Variants in SPTB observed in about 807,000 individuals in gnomAD.
SPTB encodes the protein spectrin beta chain, erythrocytic.
A neutral mutation model predicts 256.2 loss-of-function variants in SPTB; 45 were observed. The observed-to-expected ratio is 0.18, with a 90% CI of 0.14 to 0.23. The LOEUF is 0.23. Among genes scored for constraint, SPTB ranks in the 10% least tolerant of loss-of-function variants. The pLI is 1.00. For missense variants in SPTB, 2,715 were observed against 3,040.4 expected, an observed-to-expected ratio of 0.89 and a Z score of 2.52; for synonymous variants, 1,231 against 1,243.1, an observed-to-expected ratio of 0.99 and a Z score of 0.21.
At chr14:64,858,875 C>T (rs2083914867) in intron 1 of SPTB, among the ~76,000 whole-genome samples, 1 of 152,120 alleles carries the variant, frequency 6.6e-6, no homozygotes. Context: ...GACTATGCAC[C>T]TCTAGCAGTT....
At chr14:64,765,484 G>A (rs1300223520) in intron 32 of SPTB, among the ~76,000 whole-genome samples, 1 of 152,176 alleles carries the variant, frequency 6.6e-6, no homozygotes, top group Non-Finnish European at 1.5e-5. Context: ...CTAGGCCTCT[G>A]GCAGCTGCTG....
chr14:64,749,220 C>A lies in SPTB; in HGVS notation c.*86G>T. ...GCGACTCGACTCATCTCGATTCGAC[C>A]GGCGGGCGGCGGCGAGAGGAGGCCA... On this transcript the variant is annotated 3_prime_UTR_variant, in exon 36 of 36. Coordinates refer to ENST00000644917, the MANE Select transcript of SPTB (RefSeq NM_001355436.2). This position sits in a 1 kb window ranked among gnomAD's most constrained non-coding sequence, Gnocchi z 4.7. 8 of 1,477,218 alleles carry A rather than the reference C, an allele frequency of 5.4e-6. No individual in the cohort carries two copies. The highest frequency in any genetic ancestry group is 7.3e-6 in the Non-Finnish European group (8 of 1,099,722). The allele number at this position is 1,477,218 out of a possible 1,614,324, so 91.5% of individuals were successfully genotyped here.
At position 64,802,971 on chromosome 14, in the gene SPTB, A is replaced by G. The variant is rs994465103; in HGVS notation, c.474+636T>C. Among the ~76,000 whole-genome samples, 1 of 152,116 alleles carries G rather than the reference A, an allele frequency of 6.6e-6. No individual in the cohort carries two copies. The highest frequency in any genetic ancestry group is 6.5e-5 in the Admixed American group (1 of 15,282). ...CTCCTCTTGCCTTTCCATTCTCCCC[A>G]ACTCTGCTGCTATTGTTGTTCAATG... On this transcript the variant is annotated intron_variant, in intron 4 of 35. Coordinates refer to ENST00000644917, the MANE Select transcript of SPTB (RefSeq NM_001355436.2). The surrounding 1 kb of genome is among the most constrained non-coding windows in gnomAD (Gnocchi z 5.1).
chr14:64,758,329 G>A lies in SPTB; in HGVS notation c.6346-4536C>T, dbSNP rs1163183005. 6.6e-6 allele frequency among the ~76,000 whole-genome samples: 1 copy of A among 152,260 alleles called. No individual in the cohort carries two copies. Among genetic ancestry groups the A allele is most frequent in the Admixed American group, 6.5e-5 (1 of 15,290 alleles). On this transcript the variant is annotated intron_variant, in intron 32 of 35. Coordinates refer to ENST00000644917, the MANE Select transcript of SPTB (RefSeq NM_001355436.2). The surrounding 1 kb of genome is among the most constrained non-coding windows in gnomAD (Gnocchi z 4.6). ...GCCTCAGCCCCTCCTTTCTCGGCCA[G>A]TTTCAGTTGGAACATTCTGAGGCTT... is the stretch of plus-strand genomic sequence containing the variant.
chr14:64,848,657 C>CACTA (rs951639139), intron 1 of SPTB, among the ~76,000 whole-genome samples: 3 of 152,190 alleles, frequency 2.0e-5, no homozygotes, highest in Non-Finnish European at 4.4e-5. Context: ...CTCATTCACC[C>CACTA]ACTAACACAC....
At chr14:64,879,130 A>G (rs183454727) in intron 1 of SPTB, among the ~76,000 whole-genome samples, 31 of 152,310 alleles carry the variant, frequency 2.0e-4, no homozygotes, top group African/African-American at 7.2e-4. Flanking sequence ...AGAAGCTTAG[A>G]GGAAGAGAGG....
intron 19 of SPTB, among the ~76,000 whole-genome samples, chr14:64,783,126 C>T (rs1235311026): frequency 6.6e-6 from 1 of 152,154 alleles, no homozygotes; most frequent in Non-Finnish European, 1.5e-5. Context: ...ACCTGGTTTT[C>T]ATCTGCATAG....
At position 64,795,740 on chromosome 14, in the gene SPTB, G is replaced by A; in HGVS notation, c.1342-101C>T. The A allele has an allele frequency of 4.9e-6, 6 of 1,230,892 alleles. 1 individual carries two copies. 76.2% of individuals were successfully genotyped at this position (1,230,892 alleles called of 1,614,324 possible). On this transcript the variant is annotated intron_variant, in intron 11 of 35. Transcript: ENST00000644917. This position sits in a 1 kb window ranked among gnomAD's most constrained non-coding sequence, Gnocchi z 6.5. ...CTCCCTTCAGAACCAGTGCTAGATG[G>A]GAAAGCACATTCCCAAGAAGCAGCT...
In SPTB at chr14:64,796,899, A is replaced by G. The variant is rs562555269; in HGVS notation, c.1183-184T>C. On this transcript the variant is annotated intron_variant, in intron 10 of 35. Transcript: ENST00000644917. The surrounding 1 kb of genome is among the most constrained non-coding windows in gnomAD (Gnocchi z 4.1). ...TTGGCTTTCATGTCTGGGCCCATCA[A>G]AGATTCAGAGGGCACTGCTCATGAG... Among the ~76,000 whole-genome samples the G allele has an allele frequency of 1.3e-5, 2 of 152,300 alleles. No homozygotes were observed. Among genetic ancestry groups the G allele is most frequent in the Admixed American group, 1.3e-4 (2 of 15,300 alleles).
chr14:64,791,563 G>C, intron 15 of SPTB, among the ~76,000 whole-genome samples, 156 bp downstream of exon 15: 1 of 80,996 alleles, frequency 1.2e-5, no homozygotes, highest in Non-Finnish European at 2.1e-5. Flanking sequence ...GAGGTTCTGT[G>C]TCAAAAAAAA....
rs2083820125 is a variant in SPTB, at chr14:64,853,567, T to A, written c.-52+26225A>T. ...GACAAGAACCCATGGCAGCAGGGAG[T>A]GGAATAAATCAGAGTACAACGAAGA... On this transcript the variant is annotated intron_variant, in intron 1 of 35. Transcript: ENST00000644917. The surrounding 1 kb of genome is among the most constrained non-coding windows in gnomAD (Gnocchi z 4.3). Among the ~76,000 whole-genome samples, 1 of 151,704 alleles carries A rather than the reference T, an allele frequency of 6.6e-6. No individual in the cohort carries two copies.
intron 2 of SPTB, among the ~76,000 whole-genome samples, chr14:64,817,622 T>G (rs1405941994): frequency 6.6e-6 from 1 of 152,236 alleles, no homozygotes; most frequent in Non-Finnish European, 1.5e-5. Flanking sequence ...GGTGAGGCCC[T>G]GCTCCCTGAG....
At chr14:64,840,203 C>T (rs2083585737) in intron 1 of SPTB, among the ~76,000 whole-genome samples, 1 of 152,238 alleles carries the variant, frequency 6.6e-6, no homozygotes, top group Admixed American at 6.5e-5. Context: ...AGAGGAAAAG[C>T]TGTGCCTTTT....
Position 64,786,267 on chromosome 14 carries a change from A to G in SPTB, c.3561+137T>C. ...GGAAAAGGCCCCTAATGAGAAACAAAGATTTCCCCCATGAGTGAATACAGA... is the reference window on the plus strand; with the variant it reads ...GGAAAAGGCCCCTAATGAGAAACAAGGATTTCCCCCATGAGTGAATACAGA... On this transcript the variant is annotated intron_variant, in intron 16 of 35. Coordinates refer to ENST00000644917, the MANE Select transcript of SPTB (RefSeq NM_001355436.2). The surrounding 1 kb of genome is among the most constrained non-coding windows in gnomAD (Gnocchi z 5.6). 2.3e-6 allele frequency: 3 copies of G among 1,290,098 alleles called. No individual in the cohort carries two copies. Among genetic ancestry groups the G allele is most frequent in the Non-Finnish European group, 3.3e-6 (3 of 899,336 alleles). 79.9% of individuals were successfully genotyped at this position (1,290,098 alleles called of 1,614,324 possible). A position where few individuals can be genotyped will look rare whatever the true frequency, so the allele number is the denominator to read the frequency against.
chr14:64,767,485 G>T, intron 30 of SPTB, 133 bp from the exon 31 acceptor site: 2 of 1,425,222 alleles, frequency 1.4e-6, no homozygotes, highest in East Asian at 2.3e-5. Flanking sequence ...AGCCCCTTCT[G>T]TCCTTTGCAT....
rs573498417 is a variant in SPTB, at chr14:64,786,919, G to A, written c.3046C>T (p.Arg1016Cys). ...AIQARVDALE[R>C]ESQQLMDSHP... ...GAGTCCATCAGCTGCTGGGACTCAC[G>A]CTCCAGGGCATCCACACGGGCCTGG... The change falls in exon 16 of 36, where the codon CGT becomes TGT. Residue 1016 changes from arginine to cysteine, a missense_variant. By Grantham distance (180) the Arg-to-Cys change is radical. This residue lies in a region of SPTB where 2,239 missense variants were observed against 2,384.4 expected (regional missense o/e 0.94). Transcript: ENST00000644917. The surrounding 1 kb of genome is among the most constrained non-coding windows in gnomAD (Gnocchi z 5.6). 22 of 1,613,134 alleles carry A rather than the reference G, an allele frequency of 1.4e-5. No homozygotes were observed. Among genetic ancestry groups the A allele is most frequent in the Middle Eastern group, 1.6e-4 (1 of 6,062 alleles).
At chr14:64,801,897 C>T (rs1194959801) in intron 5 of SPTB, 63 bp from the exon 6 acceptor site, 3 of 1,475,918 alleles carry the variant, frequency 2.0e-6, no homozygotes, top group Non-Finnish European at 2.8e-6. Context: ...AACAAGTGTA[C>T]AAATTGAGGG....
intron 30 of SPTB, 152 bp from the exon 31 acceptor site, chr14:64,767,504 C>T: frequency 7.2e-7 from 1 of 1,391,104 alleles, no homozygotes. Context: ...ATTCGGAGGT[C>T]AGTACTTCCT....
At chr14:64,859,020 A>C (rs113370449) in intron 1 of SPTB, among the ~76,000 whole-genome samples, 8,372 of 152,262 alleles carry the variant, frequency 0.055, 286 homozygotes, top group Middle Eastern at 0.092. Context: ...GCACTTTGGG[A>C]GGTTGAGGCA....
Sources: allele counts gnomAD v4.1 joint callset (sites outside exome capture counted in the v4.1 genomes callset), GRCh38; gene constraint gnomAD v4.1.1; regional missense constraint gnomAD v4.1.1; non-coding constraint Gnocchi (gnomAD v3.1); transcripts MANE v1.5; gene names NCBI Gene and HGNC (gene_info 2026-07-23, HGNC 2026-07-21).